The following CTNNBL1 variants were observed in gnomAD, a reference collection of about 807,000 sequenced individuals.
The protein encoded by CTNNBL1 is beta-catenin-like protein 1.
Under a neutral mutation model 72.7 loss-of-function variants are expected in CTNNBL1, and 31 were observed. The observed-to-expected ratio is 0.43, with a 90% CI of 0.32 to 0.58. The LOEUF is 0.58. CTNNBL1 is among the 20% of genes least tolerant of loss of function. CTNNBL1 has a pLI of 0.08. For synonymous variants in CTNNBL1, 240 were observed against 267.3 expected, an observed-to-expected ratio of 0.90 and a Z score of 1.00; for missense variants, 534 against 725.1, an observed-to-expected ratio of 0.74 and a Z score of 3.03.
intron 1 of CTNNBL1, among the ~76,000 whole-genome samples, chr20:37,732,397 C>T (rs2073137092): frequency 6.6e-6 from 1 of 152,222 alleles, no homozygotes; most frequent in South Asian, 2.1e-4. Context: ...AAACCAGGTG[C>T]TAAGACGCTG....
intron 6 of CTNNBL1, among the ~76,000 whole-genome samples, chr20:37,767,640 G>A (rs1019889716): frequency 2.0e-5 from 3 of 152,206 alleles, no homozygotes; most frequent in African/African-American, 7.2e-5. Context: ...TAGGGACTGG[G>A]TGGGACTTCT....
intron 10 of CTNNBL1, among the ~76,000 whole-genome samples, chr20:37,782,509 G>A (rs1179204830): frequency 6.6e-6 from 1 of 152,194 alleles, no homozygotes; most frequent in Non-Finnish European, 1.5e-5. Context: ...CACCACCACA[G>A]TGAAGATGTA....
chr20:37,842,434 C>A lies in CTNNBL1; in HGVS notation c.1392+15C>A. The A allele has an allele frequency of 6.3e-7, 1 of 1,596,844 alleles. No individual in the cohort carries two copies. The highest frequency in any genetic ancestry group is 8.6e-7 in the Non-Finnish European group (1 of 1,164,308). On this transcript the variant is annotated intron_variant, in intron 13 of 15. Transcript: ENST00000361383. ...GGGAAAAACACGTATGTATCCCTGC[C>A]TCACTTTTGCCAGCTATTGACTTGC... is the stretch of plus-strand genomic sequence containing the variant.
intron 5 of CTNNBL1, among the ~76,000 whole-genome samples, chr20:37,762,883 G>A (rs549687539): frequency 1.3e-5 from 2 of 152,230 alleles, no homozygotes; most frequent in African/African-American, 4.8e-5. Context: ...TTGGATTTCC[G>A]TAGCAAGAAG....
chr20:37,780,458 A>C (rs1358253441), intron 10 of CTNNBL1, among the ~76,000 whole-genome samples: 1 of 152,102 alleles, frequency 6.6e-6, no homozygotes, highest in Non-Finnish European at 1.5e-5. Flanking sequence ...ATTTTCTTCT[A>C]GTCTTTTTTT....
Position 37,779,352 on chromosome 20 carries a change from C to G in CTNNBL1, c.1031+17C>G, listed in dbSNP as rs538692628. 9.3e-6 allele frequency: 15 copies of G among 1,609,214 alleles called. No individual in the cohort carries two copies. In the South Asian group the frequency reaches 1.6e-4, roughly 18 times the overall value. On this transcript the variant is annotated intron_variant, in intron 10 of 15. Transcript: ENST00000361383. ...CATGCTCAGGTATGTTTCGAATGCC[C>G]TAGTTCTCCCACCTTTTTTGCCTGA...
intron 15 of CTNNBL1, among the ~76,000 whole-genome samples, chr20:37,871,217 C>G (rs559087609): frequency 6.6e-6 from 1 of 152,136 alleles, no homozygotes; most frequent in South Asian, 2.1e-4. Context: ...CCATGCAGTG[C>G]TGCTGCTGCT....
chr20:37,795,863 G>T, intron 10 of CTNNBL1, among the ~76,000 whole-genome samples: 1 of 144,134 alleles, frequency 6.9e-6, no homozygotes. Context: ...AATTTTTTAT[G>T]GAAATTCAAA....
chr20:37,722,819 C>A (rs1189455414), intron 1 of CTNNBL1, among the ~76,000 whole-genome samples: 4 of 152,206 alleles, frequency 2.6e-5, no homozygotes, highest in Non-Finnish European at 5.9e-5. Flanking sequence ...ACCACCTTAA[C>A]TTCTTTTAGA....
In CTNNBL1 at chr20:37,806,628, G is replaced by A. The variant is rs141789812; in HGVS notation, c.1213+3580G>A. The stretch of plus-strand genomic sequence containing the variant: ...GGTAAACATATGTAACACATTCCAT[G>A]TTCACTCTGGGGCAGGGTTTTAGCA... On this transcript the variant is annotated intron_variant, in intron 11 of 15. Transcript: ENST00000361383. Among the ~76,000 whole-genome samples the A allele has an allele frequency of 1.7e-3, 253 of 152,294 alleles. 3 individuals carry two copies. Among genetic ancestry groups the A allele is most frequent in the African/African-American group, 5.9e-3 (246 of 41,550 alleles).
At chr20:37,753,327 TATG>T (rs2073336911) in intron 4 of CTNNBL1, among the ~76,000 whole-genome samples, 1 of 152,158 alleles carries the variant, frequency 6.6e-6, no homozygotes, top group South Asian at 2.1e-4. Context: ...ACCACTGAAA[TATG>T]ATAAGAAACA....
intron 15 of CTNNBL1, among the ~76,000 whole-genome samples, chr20:37,865,150 A>G (rs1377403639): frequency 2.0e-5 from 3 of 152,192 alleles, no homozygotes; most frequent in African/African-American, 7.2e-5. Flanking sequence ...GAGAGCACCA[A>G]TTTGACATCA....
intron 8 of CTNNBL1, 74 bp downstream of exon 8, chr20:37,777,491 C>G: frequency 6.7e-7 from 1 of 1,502,452 alleles, no homozygotes; most frequent in Non-Finnish European, 9.3e-7. Flanking sequence ...ACAGCAAGCT[C>G]TCTTGCCTTT....
At chr20:37,771,415 A>G (rs991633219) in intron 7 of CTNNBL1, among the ~76,000 whole-genome samples, 2 of 152,102 alleles carry the variant, frequency 1.3e-5, no homozygotes, top group Non-Finnish European at 2.9e-5. Context: ...TTAAAACTCC[A>G]TTTTCACTAT....
At chr20:37,756,633 CTTTT>C (rs373023677) in intron 4 of CTNNBL1, among the ~76,000 whole-genome samples, 4 of 130,066 alleles carry the variant, frequency 3.1e-5, no homozygotes, top group South Asian at 2.4e-4. Context: ...CTCTCCCTTT[CTTTT>C]TTTTTTTTTT....
At chr20:37,708,464 G>A (rs999987350) in intron 1 of CTNNBL1, among the ~76,000 whole-genome samples, 4 of 152,116 alleles carry the variant, frequency 2.6e-5, no homozygotes, top group Admixed American at 1.3e-4. Flanking sequence ...GAGCCACCGC[G>A]CCCAGCTGAT....
intron 10 of CTNNBL1, among the ~76,000 whole-genome samples, chr20:37,797,607 A>G (rs886598938): frequency 1.3e-5 from 2 of 152,204 alleles, no homozygotes; most frequent in African/African-American, 4.8e-5. Context: ...GCTGGACATC[A>G]CGCCGTGTTC....
chr20:37,860,672 A>G (rs558100874), intron 15 of CTNNBL1, among the ~76,000 whole-genome samples: 63 of 152,362 alleles, frequency 4.1e-4, no homozygotes, highest in Non-Finnish European at 7.6e-4. Context: ...TTGCTTTCTT[A>G]GGGAAAAAAA....
chr20:37,759,185 A>T (rs1216947083), intron 5 of CTNNBL1, among the ~76,000 whole-genome samples: 1 of 152,158 alleles, frequency 6.6e-6, no homozygotes, highest in Non-Finnish European at 1.5e-5. Context: ...TTTTCGTTTG[A>T]ACCACTGTGC....
Sources: allele counts gnomAD v4.1 joint callset (sites outside exome capture counted in the v4.1 genomes callset), GRCh38; gene constraint gnomAD v4.1.1; transcripts MANE v1.5; gene names NCBI Gene and HGNC (gene_info 2026-07-23, HGNC 2026-07-21).